DHX16: variants seen among roughly 807,000 people sequenced by gnomAD.
The protein encoded by DHX16 is pre-mRNA-splicing factor ATP-dependent RNA helicase DHX16.
In DHX16, 81 loss-of-function variants were observed where a neutral mutation model predicts 131.2. That is an observed-to-expected ratio of 0.62 (90% CI 0.52 to 0.74). The LOEUF (loss-of-function observed/expected upper bound fraction) is 0.74. Ranked by LOEUF, DHX16 falls within the 30% of genes least tolerant of loss-of-function variation. The probability of loss-of-function intolerance (pLI) is 0.00; values close to 1 mark genes in which losing one functional copy is unlikely to be tolerated. For synonymous variants in DHX16, 440 were observed against 520.2 expected, an observed-to-expected ratio of 0.85 and a Z score of 2.10; for missense variants, 980 against 1,363.1, an observed-to-expected ratio of 0.72 and a Z score of 4.43.
intron 18 of DHX16, 140 bp from the exon 19 acceptor site, chr6:30,655,019 C>T (rs898860474): frequency 8.6e-6 from 12 of 1,396,580 alleles, no homozygotes; most frequent in Non-Finnish European, 1.2e-5. Flanking sequence ...AATGAACCTT[C>T]AGTGGTCTGG....
At chr6:30,671,623 G>A (rs1769563234) in intron 1 of DHX16, among the ~76,000 whole-genome samples, 1 of 152,040 alleles carries the variant, frequency 6.6e-6, no homozygotes, top group Non-Finnish European at 1.5e-5. Context: ...GGGATTACAG[G>A]CATGAGCCAC....
At position 30,670,411 on chromosome 6, in the gene DHX16, A is replaced by AT; in HGVS notation, c.664dup (p.Met222AsnfsTer4). On this transcript the variant is annotated frameshift_variant and splice_region_variant, in exon 4 of 20. Coordinates refer to ENST00000376442, the MANE Select transcript of DHX16 (RefSeq NM_003587.5). LOFTEE classifies it high-confidence loss of function. This position sits in a 1 kb window ranked among gnomAD's most constrained non-coding sequence, Gnocchi z 4.4. ...GGCTCCCTAGGCCCTGGGACTCACCATGGCCTTCCGGTCTTCCTCGGCCAT... is the reference window on the plus strand; with the variant it reads ...GGCTCCCTAGGCCCTGGGACTCACCATTGGCCTTCCGGTCTTCCTCGGCCAT... The AT allele has an allele frequency of 6.2e-7, 1 of 1,609,520 alleles. No individual in the cohort carries two copies. The highest frequency in any genetic ancestry group is 8.5e-7 in the Non-Finnish European group (1 of 1,178,110).
chr6:30,663,357 G>A (rs1334136331), intron 7 of DHX16, among the ~76,000 whole-genome samples: 2 of 152,144 alleles, frequency 1.3e-5, no homozygotes, highest in African/African-American at 4.8e-5. Flanking sequence ...GGGAGGCTGA[G>A]GTGGGAGGAT....
At position 30,664,927 on chromosome 6, in the gene DHX16, G is replaced by A. The variant is rs753082924; in HGVS notation, c.1191C>T (p.Arg397=). 2.9e-5 allele frequency: 46 copies of A among 1,613,744 alleles called. No homozygotes were observed. Among genetic ancestry groups the A allele is most frequent in the Middle Eastern group, 3.3e-4 (2 of 6,084 alleles). Residue 397 remains arginine (R), a synonymous_variant, in exon 7 of 20, where the codon CGC becomes CGT. Coordinates refer to ENST00000376442, the MANE Select transcript of DHX16 (RefSeq NM_003587.5). The stretch of plus-strand genomic sequence containing the variant: ...CTCGAAATGGGAACACCGGGAGGCT[G>A]CGGCGGACGGCCTGGATGGACTCTT... ...QQKESIQAVR[R]SLPVFPFREE...
rs1232872392 is a variant in DHX16 at position 30,671,086 on chromosome 6, A to C, written c.396T>G (p.Arg132=). 6.2e-7 allele frequency: 1 copy of C among 1,612,656 alleles called. No individual in the cohort carries two copies. Among genetic ancestry groups the C allele is most frequent in the Non-Finnish European group, 8.5e-7 (1 of 1,179,922 alleles). The change falls in exon 2 of 20, where the codon CGT becomes CGG. Residue 132 remains arginine, a synonymous_variant. Transcript: ENST00000376442. ...RKKRKHLRKK[R]EEEEEEEASE... The stretch of plus-strand genomic sequence containing the variant: ...AAGCCTCTTCCTCCTCTTCTTCCTC[A>C]CGCTTCTTCCTGAGGTGTTTCCGCT...
chr6:30,661,385 T>TA (rs1361266768), intron 9 of DHX16, among the ~76,000 whole-genome samples: 3 of 152,090 alleles, frequency 2.0e-5, no homozygotes, highest in Non-Finnish European at 4.4e-5. Flanking sequence ...TCCCGGCTGA[T>TA]ACGTTTTAAA....
In DHX16 at chr6:30,672,769, G is replaced by GC; in HGVS notation, c.72dup (p.His25AlafsTer27). On this transcript the variant is annotated frameshift_variant, in exon 1 of 20. Transcript: ENST00000376442. LOFTEE classifies it high-confidence loss of function. Reference sequence around the variant, plus strand: ...GTACCGATCAGAAACTGGGCGACGTGCCGCTCGCTCAGCCCCAACACCGAG... The same window carrying GC: ...GTACCGATCAGAAACTGGGCGACGTGCCCGCTCGCTCAGCCCCAACACCGAG... The GC allele has an allele frequency of 6.2e-7, 1 of 1,613,048 alleles. No individual in the cohort carries two copies. Among genetic ancestry groups the GC allele is most frequent in the Non-Finnish European group, 8.5e-7 (1 of 1,180,038 alleles).
chr6:30,658,014 C>G (rs1768139266), intron 12 of DHX16, among the ~76,000 whole-genome samples: 1 of 152,196 alleles, frequency 6.6e-6, no homozygotes, highest in African/African-American at 2.4e-5. Flanking sequence ...GTATCATCAA[C>G]CCCTGTGTAC....
In DHX16 at chr6:30,655,415, A is replaced by T; in HGVS notation, c.2661+20T>A. 1.9e-6 allele frequency: 3 copies of T among 1,614,006 alleles called. No individual in the cohort carries two copies. Among genetic ancestry groups the T allele is most frequent in the Non-Finnish European group, 2.5e-6 (3 of 1,179,992 alleles). On this transcript the variant is annotated intron_variant, in intron 17 of 19. Coordinates refer to ENST00000376442, the MANE Select transcript of DHX16 (RefSeq NM_003587.5). Reference sequence around the variant, plus strand: ...AAGTCCCCCAGTGTCTCTCATTCCCACTCACCCAAGCCCAGTGACCTGTGT... The same window carrying T: ...AAGTCCCCCAGTGTCTCTCATTCCCTCTCACCCAAGCCCAGTGACCTGTGT...
intron 12 of DHX16, 134 bp from the exon 13 acceptor site, chr6:30,657,226 G>A (rs1256930826): frequency 2.2e-6 from 2 of 897,924 alleles, no homozygotes; most frequent in Non-Finnish European, 3.3e-6. Context: ...AGTATCCAAG[G>A]TCAGGAGCAG....
Position 30,656,459 on chromosome 6 carries a change from T to C in DHX16, c.2362A>G (p.Thr788Ala). The change falls in exon 15 of 20, where the codon ACA (threonine) becomes GCA (alanine). Residue 788 changes from threonine (T) to alanine (A), a missense_variant. Physicochemically the swap from Thr to Ala is moderately conservative, Grantham distance 58 (BLOSUM62 0). Around this residue, in one of 3 missense-constraint regions of DHX16, gnomAD observed 309 missense variants for 537.1 expected, o/e 0.58. Transcript: ENST00000376442. The surrounding 1 kb of genome is among the most constrained non-coding windows in gnomAD (Gnocchi z 5.1). ...FDFLDPPPYE[T>A]LLLALEQLYA... Reference sequence around the variant, plus strand: ...AGCTGCTCCAAAGCCAGCAGCAGTGTCTCATATGGTGGAGGGTCCAGGAAA... The same window carrying C: ...AGCTGCTCCAAAGCCAGCAGCAGTGCCTCATATGGTGGAGGGTCCAGGAAA... 6.2e-7 allele frequency: 1 copy of C among 1,614,090 alleles called. No individual in the cohort carries two copies. The highest frequency in any genetic ancestry group is 8.5e-7 in the Non-Finnish European group (1 of 1,180,018).
chr6:30,657,240 A>AC, intron 12 of DHX16, 148 bp from the exon 13 acceptor site: 1 of 779,448 alleles, frequency 1.3e-6, no homozygotes, highest in South Asian at 1.9e-5. Flanking sequence ...GGAGCAGGGG[A>AC]CAAGGCCAGA....
At chr6:30,653,688 T>C (rs986199858) in intron 19 of DHX16, among the ~76,000 whole-genome samples, 1 of 112,084 alleles carries the variant, frequency 8.9e-6, no homozygotes, top group Non-Finnish European at 1.9e-5. Flanking sequence ...TAGATCCTTA[T>C]GTGTATGGTC....
chr6:30,654,642 G>A (rs757034398), intron 19 of DHX16, 64 bp downstream of exon 19: 9 of 1,483,842 alleles, frequency 6.1e-6, no homozygotes, highest in Non-Finnish European at 8.2e-6. Context: ...TGGGTTCTTA[G>A]CTTGCCAGGA....
Position 30,670,430 on chromosome 6 carries a change from C to T in DHX16, c.646G>A (p.Glu216Lys), listed in dbSNP as rs539487104. ...CTCACCATGGCCTTCCGGTCTTCCT[C>T]GGCCATCTTGAGGCGCTTCTGAGCC... ...EEAQKRLKMA[E>K]EDRKAMVPEL... is the part of the protein sequence containing the mutation. Residue 216 changes from glutamate to lysine, a missense_variant, in exon 4 of 20, where the codon GAG becomes AAG. Glu to Lys is a moderately conservative substitution (Grantham distance 56). Around this residue, in one of 3 missense-constraint regions of DHX16, gnomAD observed 457 missense variants for 554.8 expected, o/e 0.82. Coordinates refer to ENST00000376442, the MANE Select transcript of DHX16 (RefSeq NM_003587.5). This position sits in a 1 kb window ranked among gnomAD's most constrained non-coding sequence, Gnocchi z 4.4. 140 of 1,611,242 alleles carry T rather than the reference C, an allele frequency of 8.7e-5. No individual in the cohort carries two copies. The South Asian group carries it at 1.4e-3, about 16-fold the overall frequency.
chr6:30,671,707 C>T (rs1769573337), intron 1 of DHX16, among the ~76,000 whole-genome samples: 1 of 151,934 alleles, frequency 6.6e-6, no homozygotes, highest in African/African-American at 2.4e-5. Context: ...ATGGCTTCAC[C>T]CCATCTTCAT....
chr6:30,668,925 G>C (rs1292893503), intron 4 of DHX16, among the ~76,000 whole-genome samples: 1 of 151,940 alleles, frequency 6.6e-6, no homozygotes, highest in Non-Finnish European at 1.5e-5. Context: ...GACCAACATG[G>C]AGAAACCCCA....
At position 30,664,819 on chromosome 6, in the gene DHX16, CG is replaced by C. The variant is rs767243523; in HGVS notation, c.1298del (p.Pro433ArgfsTer14). Reference protein sequence around the residue: ...ETGSGKTTQIPQYLFEEGYTN... With the variant: ...ETGSGKTTQIXQYLFEEGYTN... Reference sequence around the variant, plus strand: ...ACTGTACCTCCTCAAAGAGATACTGCGGGATCTGGGTGGTCTTCCCTGAGCC... The same window carrying C: ...ACTGTACCTCCTCAAAGAGATACTGCGGATCTGGGTGGTCTTCCCTGAGCC... On this transcript the variant is annotated frameshift_variant, in exon 7 of 20. Coordinates refer to ENST00000376442, the MANE Select transcript of DHX16 (RefSeq NM_003587.5). LOFTEE classifies it high-confidence loss of function. 2 of 1,612,592 alleles carry C rather than the reference CG, an allele frequency of 1.2e-6. No homozygotes were observed. Among genetic ancestry groups the C allele is most frequent in the South Asian group, 1.1e-5 (1 of 91,064 alleles).
In DHX16 at chr6:30,659,560, C is replaced by T. The variant is rs764984101; in HGVS notation, c.1919G>A (p.Arg640Gln). The T allele has an allele frequency of 1.1e-5, 18 of 1,612,876 alleles. No homozygotes were observed. The highest frequency in any genetic ancestry group is 1.6e-4 in the Middle Eastern group (1 of 6,062). Reference sequence around the variant, plus strand: ...ATAAATGGGCAGCACCAGGAGCTCCCGGATTTTGGAGCCCAGGCGGCGGCA... The same window carrying T: ...ATAAATGGGCAGCACCAGGAGCTCCTGGATTTTGGAGCCCAGGCGGCGGCA... ...DRCRRLGSKI[R>Q]ELLVLPIYAN... Residue 640 changes from arginine (R) to glutamine (Q), a missense_variant, in exon 12 of 20, where the codon CGG (arginine) becomes CAG (glutamine). Arg to Gln is a conservative substitution (Grantham distance 43). Transcript: ENST00000376442.
Sources: allele counts gnomAD v4.1 joint callset (sites outside exome capture counted in the v4.1 genomes callset), GRCh38; gene constraint gnomAD v4.1.1; regional missense constraint gnomAD v4.1.1; non-coding constraint Gnocchi (gnomAD v3.1); transcripts MANE v1.5; gene names NCBI Gene and HGNC (gene_info 2026-07-23, HGNC 2026-07-21).